The following PDE4B variants were observed in gnomAD, a reference collection of about 807,000 sequenced individuals.
The protein encoded by PDE4B is phosphodiesterase 4B.
In PDE4B, 20 loss-of-function variants were observed where a neutral mutation model predicts 82.2. That is an observed-to-expected ratio of 0.24 (90% CI 0.17 to 0.35). The LOEUF is 0.35. Among genes scored for constraint, PDE4B ranks in the 10% least tolerant of loss-of-function variants. PDE4B has a pLI of 1.00. For missense variants in PDE4B, 655 were observed against 907.2 expected, an observed-to-expected ratio of 0.72 and a Z score of 3.57; for synonymous variants, 320 against 318.9, an observed-to-expected ratio of 1.00 and a Z score of -0.04.
intron 3 of PDE4B, among the ~76,000 whole-genome samples, chr1:65,996,050 T>C (rs1651525477): frequency 6.6e-6 from 1 of 152,198 alleles, no homozygotes; most frequent in Admixed American, 6.6e-5. Flanking sequence ...ATTCTGACTC[T>C]GGGCTATTTA....
At chr1:66,206,077 G>A (rs887614808) in intron 3 of PDE4B, among the ~76,000 whole-genome samples, 1 of 152,222 alleles carries the variant, frequency 6.6e-6, no homozygotes, top group African/African-American at 2.4e-5. Context: ...GGCGATGGAA[G>A]TGTGGCTTCC....
chr1:66,355,804 G>GA (rs1212527212), intron 9 of PDE4B, among the ~76,000 whole-genome samples, 184 bp downstream of exon 9: 4 of 151,702 alleles, frequency 2.6e-5, no homozygotes, highest in Non-Finnish European at 4.4e-5. Flanking sequence ...TCATGTTTTT[G>GA]AAAAAAAAGA....
chr1:66,058,251 C>A (rs1308126616), intron 3 of PDE4B, among the ~76,000 whole-genome samples: 1 of 152,222 alleles, frequency 6.6e-6, no homozygotes. Context: ...TGGTATTGGG[C>A]AGCTCCACTC....
intron 3 of PDE4B, among the ~76,000 whole-genome samples, chr1:66,202,315 T>C (rs1224749783): frequency 6.6e-6 from 1 of 152,090 alleles, no homozygotes; most frequent in Non-Finnish European, 1.5e-5. Context: ...GAAAAGAATG[T>C]ATATTCTGTT....
chr1:66,082,645 T>C (rs1199261169), intron 3 of PDE4B, among the ~76,000 whole-genome samples: 1 of 146,940 alleles, frequency 6.8e-6, no homozygotes, highest in Admixed American at 6.9e-5. Context: ...TGAAATAATA[T>C]ATATATATAT....
intron 3 of PDE4B, among the ~76,000 whole-genome samples, chr1:66,011,223 CA>C (rs11372306): frequency 9.8e-4 from 131 of 133,742 alleles, no homozygotes; most frequent in East Asian, 5.4e-3. Context: ...ATTCATCTGC[CA>C]AAAAAAAAAA....
chr1:65,929,470 G>C (rs757274701), intron 3 of PDE4B, among the ~76,000 whole-genome samples: 5 of 152,172 alleles, frequency 3.3e-5, no homozygotes, highest in Non-Finnish European at 7.3e-5. Flanking sequence ...GTGAGGCTGT[G>C]CATGCACCTT....
At chr1:66,245,803 C>G (rs530868993) in intron 3 of PDE4B, among the ~76,000 whole-genome samples, 2 of 152,322 alleles carry the variant, frequency 1.3e-5, no homozygotes, top group African/African-American at 2.4e-5. Context: ...TGCTTCTTAT[C>G]AGACACCTGG....
intron 3 of PDE4B, among the ~76,000 whole-genome samples, chr1:66,083,124 C>T (rs1219139642): frequency 2.0e-5 from 3 of 152,108 alleles, no homozygotes; most frequent in African/African-American, 4.8e-5. Flanking sequence ...TAGTTAGTGT[C>T]CATGCCTATA....
intron 3 of PDE4B, among the ~76,000 whole-genome samples, chr1:65,985,813 T>C (rs1338680362): frequency 1.3e-5 from 2 of 152,204 alleles, no homozygotes; most frequent in Non-Finnish European, 2.9e-5. Flanking sequence ...AGCACCTAAT[T>C]ACTCTGCTAA....
intron 3 of PDE4B, among the ~76,000 whole-genome samples, chr1:65,946,451 G>A (rs1408890809): frequency 6.6e-6 from 1 of 151,980 alleles, no homozygotes; most frequent in Admixed American, 6.6e-5. Flanking sequence ...ATGTCAGAAT[G>A]TGGAGTTAGG....
chr1:65,845,241 ATTGTAAATAATTTG>A (rs1646255683), intron 1 of PDE4B, among the ~76,000 whole-genome samples: 3 of 152,296 alleles, frequency 2.0e-5, no homozygotes, highest in Admixed American at 2.0e-4. Context: ...GTTATAAATA[ATTGTAAATAATTTG>A]TTGAGAAATA....
chr1:65,993,538 G>T (rs1448980057), intron 3 of PDE4B, among the ~76,000 whole-genome samples: 1 of 152,042 alleles, frequency 6.6e-6, no homozygotes, highest in Non-Finnish European at 1.5e-5. Flanking sequence ...ATGAATAAGT[G>T]TTTTAATCTT....
At chr1:65,794,365 C>G (rs985607415) in intron 1 of PDE4B, among the ~76,000 whole-genome samples, 2 of 152,182 alleles carry the variant, frequency 1.3e-5, no homozygotes, top group East Asian at 3.8e-4. Flanking sequence ...GTAGATCATA[C>G]TCCCCCTCCG....
At chr1:65,809,261 G>A (rs972875258) in intron 1 of PDE4B, among the ~76,000 whole-genome samples, 3 of 148,334 alleles carry the variant, frequency 2.0e-5, no homozygotes, top group African/African-American at 7.5e-5. Context: ...AACCTGGGAG[G>A]CAGAGGTTGC....
intron 1 of PDE4B, among the ~76,000 whole-genome samples, chr1:65,841,791 T>G (rs1646210576): frequency 6.6e-6 from 1 of 152,162 alleles, no homozygotes; most frequent in Non-Finnish European, 1.5e-5. Context: ...ATCAATAGAT[T>G]AAAAGTAGGC....
chr1:66,254,121 C>G (rs2101692802), intron 4 of PDE4B, among the ~76,000 whole-genome samples: 1 of 152,242 alleles, frequency 6.6e-6, no homozygotes, highest in South Asian at 2.1e-4. Context: ...AGAAGATGCA[C>G]TTAAATCTAA....
chr1:66,200,801 A>G lies in PDE4B; in HGVS notation c.282-46659A>G, dbSNP rs144430002. Reference sequence around the variant, plus strand: ...ATCATGTCATCTGCAAACAGGGAGAATTTACTTCCTCTTTTCCTAACTAAA... The same window carrying G: ...ATCATGTCATCTGCAAACAGGGAGAGTTTACTTCCTCTTTTCCTAACTAAA... On this transcript the variant is annotated intron_variant, in intron 3 of 16. Transcript: ENST00000341517. Among the ~76,000 whole-genome samples, 347 of 152,244 alleles carry G rather than the reference A, an allele frequency of 2.3e-3. 1 individual carries two copies. Among genetic ancestry groups the G allele is most frequent in the African/African-American group, 7.2e-3 (300 of 41,538 alleles).
chr1:66,013,994 T>G (rs1365339363), intron 3 of PDE4B, among the ~76,000 whole-genome samples: 1 of 152,176 alleles, frequency 6.6e-6, no homozygotes. Flanking sequence ...GTTATCCTAA[T>G]GGGTGTTAGA....
Sources: gnomAD v4.1 joint callset for allele counts (sites outside exome capture counted in the v4.1 genomes callset) on GRCh38, gnomAD v4.1.1 for gene constraint, MANE v1.5 for transcripts, NCBI Gene and HGNC (gene_info 2026-07-23, HGNC 2026-07-21) for gene names.